Variants in ACMSD observed in about 807,000 individuals in gnomAD.
The protein encoded by ACMSD is 2-amino-3-carboxymuconate-6-semialdehyde decarboxylase.
Under a neutral mutation model 45.9 loss-of-function variants are expected in ACMSD, and 37 were observed. The ratio of observed to expected loss-of-function variants is 0.81; its 90% CI spans 0.62 to 1.06. ACMSD has a LOEUF of 1.06. Ranked by LOEUF, ACMSD falls within the 50% of genes least tolerant of loss-of-function variation. The pLI is 0.00. For synonymous variants in ACMSD, 138 were observed against 148.8 expected, an observed-to-expected ratio of 0.93 and a Z score of 0.53; for missense variants, 434 against 420.9, an observed-to-expected ratio of 1.03 and a Z score of -0.27.
intron 9 of ACMSD, among the ~76,000 whole-genome samples, chr2:134,901,487 T>C (rs1690497414): frequency 6.6e-6 from 1 of 152,206 alleles, no homozygotes; most frequent in Non-Finnish European, 1.5e-5. Flanking sequence ...CTTTTCTCTG[T>C]ATTTGCCCCC....
chr2:134,871,425 C>T (rs913454856), intron 7 of ACMSD, among the ~76,000 whole-genome samples: 3 of 151,934 alleles, frequency 2.0e-5, no homozygotes, highest in Non-Finnish European at 2.9e-5. Flanking sequence ...GAATTCAGTT[C>T]GTAACATCCT....
intron 2 of ACMSD, among the ~76,000 whole-genome samples, chr2:134,855,840 G>A (rs1334979142): frequency 6.6e-6 from 1 of 152,238 alleles, no homozygotes; most frequent in Non-Finnish European, 1.5e-5. Context: ...AGGATGTCTT[G>A]TCTATGGAGT....
intron 2 of ACMSD, among the ~76,000 whole-genome samples, chr2:134,856,900 G>C (rs1362212178): frequency 1.7e-5 from 2 of 114,364 alleles, no homozygotes; most frequent in Non-Finnish European, 3.5e-5. Context: ...TACATGAAAT[G>C]TATGGTTTTT....
At chr2:134,893,715 C>A (rs1689927903) in intron 8 of ACMSD, among the ~76,000 whole-genome samples, 2 of 152,048 alleles carry the variant, frequency 1.3e-5, no homozygotes. Flanking sequence ...AATACTGTAA[C>A]CCTGTAATGT....
At chr2:134,896,373 C>T (rs1401690384) in intron 8 of ACMSD, among the ~76,000 whole-genome samples, 2 of 152,230 alleles carry the variant, frequency 1.3e-5, no homozygotes, top group South Asian at 4.2e-4. Flanking sequence ...AGACAACTCA[C>T]CGAATGGAGA....
chr2:134,891,325 AG>A (rs1450076705), intron 8 of ACMSD, among the ~76,000 whole-genome samples: 1 of 152,100 alleles, frequency 6.6e-6, no homozygotes, highest in African/African-American at 2.4e-5. Context: ...GGTAAGAGAT[AG>A]GGGTCCGAGT....
intron 1 of ACMSD, among the ~76,000 whole-genome samples, chr2:134,843,637 GC>G (rs1451668126): frequency 1.3e-5 from 2 of 152,166 alleles, no homozygotes; most frequent in African/African-American, 4.8e-5. Context: ...GCCTCATCCA[GC>G]CACAAGTGAG....
chr2:134,864,741 T>C (rs1157886239), intron 5 of ACMSD, among the ~76,000 whole-genome samples: 1 of 152,156 alleles, frequency 6.6e-6, no homozygotes, highest in African/African-American at 2.4e-5. Flanking sequence ...CATTGTGTTA[T>C]TGTTTATACT....
intron 8 of ACMSD, among the ~76,000 whole-genome samples, chr2:134,895,146 A>G (rs1174012557): frequency 6.6e-6 from 1 of 151,598 alleles, no homozygotes; most frequent in Non-Finnish European, 1.5e-5. Flanking sequence ...CCTACTAAAA[A>G]TACAAAAAAA....
intron 8 of ACMSD, among the ~76,000 whole-genome samples, chr2:134,879,494 A>G (rs1688922507): frequency 6.6e-6 from 1 of 152,198 alleles, no homozygotes; most frequent in South Asian, 2.1e-4. Flanking sequence ...TATTCGTTAC[A>G]TGCTGCTGCA....
intron 2 of ACMSD, among the ~76,000 whole-genome samples, chr2:134,850,473 G>C (rs904164688): frequency 6.6e-6 from 1 of 151,930 alleles, no homozygotes; most frequent in Non-Finnish European, 1.5e-5. Context: ...TCACCATGTC[G>C]GTCAGGCTGG....
intron 8 of ACMSD, among the ~76,000 whole-genome samples, chr2:134,885,946 C>T (rs770161963): frequency 7.2e-4 from 109 of 152,224 alleles, no homozygotes; most frequent in Admixed American, 1.6e-3. Context: ...GTTCGGGACC[C>T]CTTTATTTCT....
intron 2 of ACMSD, among the ~76,000 whole-genome samples, chr2:134,858,815 C>T (rs6430550): frequency 0.6 from 91,105 of 151,234 alleles, 29,469 homozygotes; most frequent in Middle Eastern, 0.91. Flanking sequence ...ACAAATCATA[C>T]ACTGCCATTA....
At chr2:134,854,381 C>T (rs1298136558) in intron 2 of ACMSD, among the ~76,000 whole-genome samples, 4 of 152,204 alleles carry the variant, frequency 2.6e-5, no homozygotes, top group African/African-American at 4.8e-5. Flanking sequence ...GCTCTGAGGG[C>T]TGTGCTAACA....
chr2:134,901,006 T>C (rs190101259), intron 9 of ACMSD, among the ~76,000 whole-genome samples: 1 of 152,286 alleles, frequency 6.6e-6, no homozygotes, highest in East Asian at 1.9e-4. Flanking sequence ...GAGGATGGCC[T>C]AAGTATGTAT....
intron 8 of ACMSD, among the ~76,000 whole-genome samples, chr2:134,879,472 A>C (rs1421777345): frequency 6.6e-6 from 1 of 152,208 alleles, no homozygotes; most frequent in East Asian, 1.9e-4. Flanking sequence ...AATTTCCAGG[A>C]ACCAAACTCT....
intron 2 of ACMSD, among the ~76,000 whole-genome samples, chr2:134,853,787 G>A (rs1233289348): frequency 1.3e-5 from 2 of 152,054 alleles, no homozygotes; most frequent in South Asian, 2.1e-4. Flanking sequence ...GAGTTCTACC[G>A]ACTTGCTACC....
At chr2:134,893,037 C>T (rs1053138765) in intron 8 of ACMSD, among the ~76,000 whole-genome samples, 1 of 152,050 alleles carries the variant, frequency 6.6e-6, no homozygotes, top group African/African-American at 2.4e-5. Context: ...TTTTTCACCA[C>T]CCATTTACTT....
intron 2 of ACMSD, among the ~76,000 whole-genome samples, chr2:134,849,994 ACAC>A (rs1249301644): frequency 1.3e-5 from 2 of 150,252 alleles, no homozygotes; most frequent in Non-Finnish European, 3.0e-5. Context: ...ACACACACAC[ACAC>A]ACGTGAACAT....
Sources: gnomAD v4.1 joint callset for allele counts (sites outside exome capture counted in the v4.1 genomes callset) on GRCh38, gnomAD v4.1.1 for gene constraint, MANE v1.5 for transcripts, NCBI Gene and HGNC (gene_info 2026-07-23, HGNC 2026-07-21) for gene names.